The following ARHGEF10 variants were observed in gnomAD, a reference collection of about 807,000 sequenced individuals.
The protein encoded by ARHGEF10 is Rho guanine nucleotide exchange factor 10.
Under a neutral mutation model 147.4 loss-of-function variants are expected in ARHGEF10, and 140 were observed. The observed-to-expected ratio is 0.95, with a 90% confidence interval of 0.83 to 1.09. The LOEUF is 1.09. Among genes scored for constraint, ARHGEF10 ranks in the 50% least tolerant of loss-of-function variants. ARHGEF10 has a pLI of 0.00. For missense variants in ARHGEF10, 2,222 were observed against 1,752.7 expected, an observed-to-expected ratio of 1.27 and a Z score of -4.78; for synonymous variants, 902 against 695.8, an observed-to-expected ratio of 1.30 and a Z score of -4.67.
intron 15 of ARHGEF10, among the ~76,000 whole-genome samples, chr8:1,902,589 C>G (rs1238557212): frequency 6.6e-6 from 1 of 151,988 alleles, no homozygotes; most frequent in East Asian, 1.9e-4. Flanking sequence ...TACCCCTCCC[C>G]TAACATGCAT....
rs771762882 is a variant in ARHGEF10, at chr8:1,928,518, C to T, written c.2789C>T (p.Ser930Phe). ...GTCATTGAGTGCTTCAACGTGGAATCTCGCATCCTGTGCATGCTGTACGTT... is the reference window on the plus strand; with the variant it reads ...GTCATTGAGTGCTTCAACGTGGAATTTCGCATCCTGTGCATGCTGTACGTT... ...PKVIECFNVE[S>F]RILCMLYVPV... Residue 930 changes from serine to phenylalanine, a missense_variant, in exon 24 of 29, where the codon TCT (serine) becomes TTT (phenylalanine). Ser to Phe is a radical substitution (Grantham distance 155). Coordinates refer to ENST00000349830, the MANE Select transcript of ARHGEF10 (RefSeq NM_014629.4). The T allele has an allele frequency of 3.7e-6, 6 of 1,614,118 alleles. No homozygotes were observed. Among genetic ancestry groups the T allele is most frequent in the Non-Finnish European group, 2.5e-6 (3 of 1,180,062 alleles).
rs201956914 is a variant in ARHGEF10 at position 1,864,370 on chromosome 8, C to T, written c.482-3C>T. On this transcript the variant is annotated splice_polypyrimidine_tract_variant and splice_region_variant and intron_variant, in intron 4 of 28. Transcript: ENST00000349830. ...CAGCATCACATATTTTCTTTCCCAG[C>T]AGAAACACCAGAAGTCACAGAAGAT... 9 of 1,614,088 alleles carry T rather than the reference C, an allele frequency of 5.6e-6. No homozygotes were observed. In the East Asian group the frequency reaches 2.0e-4, roughly 36 times the overall value.
At chr8:1,874,832 C>T (rs1807530253) in intron 7 of ARHGEF10, among the ~76,000 whole-genome samples, 1 of 141,110 alleles carries the variant, frequency 7.1e-6, no homozygotes, top group Non-Finnish European at 1.5e-5. Flanking sequence ...TGGAGACACA[C>T]ACCACGGCGT....
intron 1 of ARHGEF10, among the ~76,000 whole-genome samples, chr8:1,834,112 T>C (rs1352990200): frequency 2.6e-5 from 4 of 152,150 alleles, no homozygotes; most frequent in African/African-American, 9.7e-5. Flanking sequence ...TGGACTCTCA[T>C]GGCACGGACA....
At chr8:1,866,093 T>C (rs772158096) in intron 5 of ARHGEF10, among the ~76,000 whole-genome samples, 14 of 152,152 alleles carry the variant, frequency 9.2e-5, no homozygotes, top group Non-Finnish European at 1.9e-4. Flanking sequence ...TTATGCTGGG[T>C]GGCCTTGCAT....
chr8:1,938,993 A>G (rs1813855948), intron 26 of ARHGEF10, among the ~76,000 whole-genome samples: 1 of 149,264 alleles, frequency 6.7e-6, no homozygotes, highest in African/African-American at 2.5e-5. Flanking sequence ...GAGACCCCCG[A>G]ACACTGTTGA....
intron 7 of ARHGEF10, among the ~76,000 whole-genome samples, chr8:1,872,578 C>T (rs781097328): frequency 1.1e-4 from 17 of 152,180 alleles, no homozygotes; most frequent in Non-Finnish European, 2.1e-4. Context: ...CTTTGAGAAG[C>T]TCTTGTAACA....
Position 1,926,413 on chromosome 8 carries a change from A to C in ARHGEF10, c.2647A>C (p.Asn883His), listed in dbSNP as rs780044742. ...TGCTTATAACCCTGAACCTTACCTA[A>C]ATAATGAAAGCCAGCCAGATTCATT... ...CAAYNPEPYL[N>H]NESQPDSFST... Residue 883 changes from asparagine to histidine, a missense_variant, in exon 23 of 29, where the codon AAT (asparagine) becomes CAT (histidine). By Grantham distance (68) the Asn-to-His change is moderately conservative. Coordinates refer to ENST00000349830, the MANE Select transcript of ARHGEF10 (RefSeq NM_014629.4). 3.1e-6 allele frequency: 5 copies of C among 1,614,142 alleles called. No homozygotes were observed. In the Admixed American group the frequency reaches 8.3e-5, roughly 27 times the overall value.
intron 2 of ARHGEF10, among the ~76,000 whole-genome samples, chr8:1,856,560 T>C (rs760007983): frequency 6.6e-6 from 1 of 152,218 alleles, no homozygotes; most frequent in Non-Finnish European, 1.5e-5. Context: ...GGGAGGCGAC[T>C]TCCCCAGGAG....
chr8:1,882,076 G>A (rs763844526), intron 9 of ARHGEF10, among the ~76,000 whole-genome samples: 6 of 152,276 alleles, frequency 3.9e-5, no homozygotes, highest in Middle Eastern at 3.4e-3. Context: ...TCTGACATCC[G>A]CAGCGTGCTG....
chr8:1,827,650 C>T lies in ARHGEF10; in HGVS notation c.-48+3537C>T, dbSNP rs144664102. 1.4e-3 allele frequency among the ~76,000 whole-genome samples: 219 copies of T among 152,330 alleles called. 1 individual carries two copies. Among genetic ancestry groups the T allele is most frequent in the African/African-American group, 5.1e-3 (212 of 41,568 alleles). On this transcript the variant is annotated intron_variant, in intron 1 of 28. Transcript: ENST00000349830. ...TCGTGGATTTTTCCTTTCCTTCCAT[C>T]ATTGCCATTTCCTGCTTTTTGTTGT...
chr8:1,837,787 G>A (rs760138558), intron 1 of ARHGEF10, among the ~76,000 whole-genome samples: 7 of 152,132 alleles, frequency 4.6e-5, no homozygotes, highest in Non-Finnish European at 8.8e-5. Context: ...CTGGCTCCTC[G>A]GCTGCGTCGT....
At chr8:1,857,422 CTTTT>C (rs60823878) in intron 2 of ARHGEF10, among the ~76,000 whole-genome samples, 1 of 137,370 alleles carries the variant, frequency 7.3e-6, no homozygotes. Context: ...GTTTTCTTTT[CTTTT>C]TTTTTTTTTT....
intron 2 of ARHGEF10, 37 bp from the exon 3 acceptor site, chr8:1,857,922 CT>C: frequency 6.7e-7 from 1 of 1,489,452 alleles, no homozygotes; most frequent in Non-Finnish European, 9.4e-7. Flanking sequence ...ATCTATCTAT[CT>C]ATCTCTCCTT....
intron 2 of ARHGEF10, among the ~76,000 whole-genome samples, chr8:1,856,222 A>C (rs11136436): frequency 1.3e-5 from 2 of 152,056 alleles, no homozygotes; most frequent in Admixed American, 6.5e-5. Flanking sequence ...AAAATAACAC[A>C]TTTCTGAATC....
At chr8:1,882,229 G>A (rs1448866788) in intron 9 of ARHGEF10, among the ~76,000 whole-genome samples, 1 of 152,214 alleles carries the variant, frequency 6.6e-6, no homozygotes, top group Non-Finnish European at 1.5e-5. Flanking sequence ...CCCCCACATG[G>A]GGTGCAGTGG....
At chr8:1,887,448 A>G (rs942328708) in intron 11 of ARHGEF10, among the ~76,000 whole-genome samples, 4 of 141,562 alleles carry the variant, frequency 2.8e-5, no homozygotes, top group Admixed American at 1.4e-4. Flanking sequence ...GTGAGGAGAT[A>G]CTGAGTGGGG....
chr8:1,951,524 C>G (rs962855246), intron 27 of ARHGEF10, among the ~76,000 whole-genome samples: 1 of 152,162 alleles, frequency 6.6e-6, no homozygotes, highest in Non-Finnish European at 1.5e-5. Context: ...TTGGGGGAGG[C>G]TGTTTGACCT....
chr8:1,869,118 C>A, intron 6 of ARHGEF10, 76 bp from the exon 7 acceptor site: 1 of 1,290,904 alleles, frequency 7.7e-7, no homozygotes, highest in South Asian at 1.2e-5. Context: ...TCATCGGCGA[C>A]TGTGGCCCTG....
Sources: allele counts gnomAD v4.1 joint callset (sites outside exome capture counted in the v4.1 genomes callset), GRCh38; gene constraint gnomAD v4.1.1; transcripts MANE v1.5; gene names NCBI Gene and HGNC (gene_info 2026-07-23, HGNC 2026-07-21).